Variants in RBM20 observed in about 807,000 individuals in gnomAD.
RBM20 encodes the protein RNA-binding protein 20.
Under a neutral mutation model 110.1 loss-of-function variants are expected in RBM20, and 51 were observed. The ratio of observed to expected loss-of-function variants is 0.46; its 90% CI spans 0.37 to 0.59. The LOEUF is 0.59. Among genes scored for constraint, RBM20 ranks in the 20% least tolerant of loss-of-function variants. The probability of loss-of-function intolerance (pLI) is 0.00; values close to 1 mark genes in which losing one functional copy is unlikely to be tolerated. For synonymous variants in RBM20, 589 were observed against 618.2 expected, an observed-to-expected ratio of 0.95 and a Z score of 0.70; for missense variants, 1,512 against 1,574.9, an observed-to-expected ratio of 0.96 and a Z score of 0.68.
chr10:110,785,733 T>C (rs547122879), intron 5 of RBM20, among the ~76,000 whole-genome samples: 29 of 152,206 alleles, frequency 1.9e-4, no homozygotes, highest in African/African-American at 6.5e-4. Context: ...TTGAAACACA[T>C]GACTTAAGAA....
rs966457685 is a variant in RBM20, at chr10:110,838,993, T to G, written c.*3015T>G. 8 of 152,246 alleles carry G rather than the reference T, an allele frequency of 5.3e-5. No homozygotes were observed. The highest frequency in any genetic ancestry group is 8.8e-5 in the Non-Finnish European group (6 of 68,042). The allele number at this position is 152,246 out of a possible 1,614,324, so 9.4% of individuals were successfully genotyped here. On this transcript the variant is annotated 3_prime_UTR_variant, in exon 14 of 14. Transcript: ENST00000369519. ...ATTGATTTATTTTTTAAAGCTTTTC[T>G]TCAGTGTTTTGTCAACCATTTCAAA...
intron 1 of RBM20, among the ~76,000 whole-genome samples, chr10:110,718,628 T>C (rs1843465520): frequency 6.7e-6 from 1 of 148,832 alleles, no homozygotes; most frequent in East Asian, 1.9e-4. Flanking sequence ...TTTTCTTTTT[T>C]TTTTTTTTAG....
At chr10:110,696,862 C>G (rs559502783) in intron 1 of RBM20, among the ~76,000 whole-genome samples, 19 of 152,154 alleles carry the variant, frequency 1.2e-4, no homozygotes, top group Non-Finnish European at 2.4e-4. Context: ...ACTTTTACAG[C>G]TTGATGAATT....
intron 6 of RBM20, 39 bp from the exon 7 acceptor site, chr10:110,799,748 A>G: frequency 6.5e-7 from 1 of 1,537,200 alleles, no homozygotes; most frequent in Non-Finnish European, 8.8e-7. Flanking sequence ...TAAGACCATT[A>G]AAGTCAAGTC....
intron 1 of RBM20, among the ~76,000 whole-genome samples, chr10:110,719,113 G>C (rs1266434850): frequency 1.3e-5 from 2 of 152,218 alleles, no homozygotes; most frequent in Non-Finnish European, 2.9e-5. Flanking sequence ...CTGAGTTGCA[G>C]AGCATGTATG....
chr10:110,833,005 A>G (rs911116081), intron 13 of RBM20, among the ~76,000 whole-genome samples: 1 of 152,128 alleles, frequency 6.6e-6, no homozygotes, highest in African/African-American at 2.4e-5. Context: ...GATGAAACCT[A>G]CAGAATGGTA....
At chr10:110,759,233 C>A (rs1424035455) in intron 1 of RBM20, among the ~76,000 whole-genome samples, 1 of 152,152 alleles carries the variant, frequency 6.6e-6, no homozygotes, top group Non-Finnish European at 1.5e-5. Context: ...AGGCTGGAAC[C>A]CCTACCATGG....
intron 1 of RBM20, among the ~76,000 whole-genome samples, chr10:110,744,569 T>C (rs1433514743): frequency 1.3e-5 from 2 of 152,208 alleles, no homozygotes. Flanking sequence ...TCCTCCAGAC[T>C]TACTGAACGG....
At chr10:110,742,539 T>C (rs1359316301) in intron 1 of RBM20, among the ~76,000 whole-genome samples, 1 of 152,212 alleles carries the variant, frequency 6.6e-6, no homozygotes, top group African/African-American at 2.4e-5. Flanking sequence ...CTGGCCTTTT[T>C]CTGGAGCTAC....
chr10:110,814,388 C>T (rs1844813045), intron 9 of RBM20, among the ~76,000 whole-genome samples: 1 of 152,176 alleles, frequency 6.6e-6, no homozygotes, highest in African/African-American at 2.4e-5. Flanking sequence ...GGATGAGCTG[C>T]TCTGTGGGCA....
At chr10:110,810,604 T>C in intron 8 of RBM20, 142 bp downstream of exon 8, 1 of 578,894 alleles carries the variant, frequency 1.7e-6, no homozygotes, top group Non-Finnish European at 3.1e-6. Context: ...GGTCCCACTT[T>C]TCCATGTTCC....
chr10:110,791,624 G>A (rs1195840218), intron 5 of RBM20, among the ~76,000 whole-genome samples: 1 of 152,158 alleles, frequency 6.6e-6, no homozygotes, highest in African/African-American at 2.4e-5. Flanking sequence ...AAGAGTTGAG[G>A]GTCAGTTGAG....
At chr10:110,689,136 A>G (rs1259084482) in intron 1 of RBM20, among the ~76,000 whole-genome samples, 6 of 152,214 alleles carry the variant, frequency 3.9e-5, no homozygotes, top group African/African-American at 7.2e-5. Context: ...CCCAATGGCA[A>G]CATCTTGAAA....
At chr10:110,741,287 T>C (rs766654987) in intron 1 of RBM20, among the ~76,000 whole-genome samples, 12 of 152,196 alleles carry the variant, frequency 7.9e-5, no homozygotes, top group South Asian at 2.1e-4. Context: ...TAAGAAATCA[T>C]CTGTAGAGGT....
At chr10:110,706,701 A>T (rs2134904112) in intron 1 of RBM20, among the ~76,000 whole-genome samples, 1 of 152,256 alleles carries the variant, frequency 6.6e-6, no homozygotes, top group African/African-American at 2.4e-5. Flanking sequence ...ACCAATGGCG[A>T]TTCTCCTTGG....
chr10:110,713,841 G>A (rs1005806654), intron 1 of RBM20, among the ~76,000 whole-genome samples: 2 of 152,096 alleles, frequency 1.3e-5, no homozygotes, highest in African/African-American at 4.8e-5. Context: ...CACAATCCCG[G>A]GCTCCTTATC....
At chr10:110,809,832 A>C (rs761397851) in intron 7 of RBM20, among the ~76,000 whole-genome samples, 2 of 152,204 alleles carry the variant, frequency 1.3e-5, no homozygotes, top group East Asian at 3.8e-4. Context: ...GTGACCTTGA[A>C]GTGTTCCTTA....
At chr10:110,797,756 C>A (rs6585014) in intron 6 of RBM20, 108 bp downstream of exon 6, 1 of 1,179,894 alleles carries the variant, frequency 8.5e-7, no homozygotes, top group Non-Finnish European at 1.2e-6. Context: ...AGAGGCGATG[C>A]CGTAGCTGGC....
At chr10:110,740,721 C>G (rs775717463) in intron 1 of RBM20, among the ~76,000 whole-genome samples, 1 of 152,132 alleles carries the variant, frequency 6.6e-6, no homozygotes, top group Non-Finnish European at 1.5e-5. Flanking sequence ...CTTTATTCAT[C>G]CCCTTACTCA....
Sources: gnomAD v4.1 joint callset for allele counts (sites outside exome capture counted in the v4.1 genomes callset) on GRCh38, gnomAD v4.1.1 for gene constraint, MANE v1.5 for transcripts, NCBI Gene and HGNC (gene_info 2026-07-23, HGNC 2026-07-21) for gene names.